The following GPD1L variants were observed in gnomAD, a reference collection of about 807,000 sequenced individuals.
The protein encoded by GPD1L is glycerol-3-phosphate dehydrogenase 1 like, also known as glycerol-3-phosphate dehydrogenase 1-like protein.
GPD1L carries 17 observed loss-of-function variants against 32.9 expected under a neutral mutation model. That is an observed-to-expected ratio of 0.52 (90% CI 0.35 to 0.78). The LOEUF is 0.78. GPD1L is among the 30% of genes least tolerant of loss of function. The pLI is 0.01. For synonymous variants in GPD1L, 187 were observed against 165.9 expected (o/e 1.13, Z -0.98); for missense variants, 361 against 447.8 (o/e 0.81, Z 1.75).
chr3:32,152,630 A>G (rs963558370), intron 5 of GPD1L, among the ~76,000 whole-genome samples: 9 of 152,184 alleles, frequency 5.9e-5, no homozygotes, highest in Admixed American at 4.6e-4. Context: ...AAGGCAGAAC[A>G]CGCATGACCA....
At chr3:32,140,406 T>C (rs779414292) in intron 4 of GPD1L, 40 bp downstream of exon 4, 1 of 1,607,068 alleles carries the variant, frequency 6.2e-7, no homozygotes, top group Non-Finnish European at 8.5e-7. Flanking sequence ...GTCTGGACAT[T>C]TGATGTTTGA....
chr3:32,109,575 A>G lies in GPD1L; in HGVS notation c.47+2817A>G, dbSNP rs1306756810. On this transcript the variant is annotated intron_variant, in intron 1 of 7. Transcript: ENST00000282541. Reference sequence around the variant, plus strand: ...TTAATTATGGGATTAGACGGGAACAATTCTTGGCTTCTGTGCCACTGCCTT... The same window carrying G: ...TTAATTATGGGATTAGACGGGAACAGTTCTTGGCTTCTGTGCCACTGCCTT... 2.6e-5 allele frequency among the ~76,000 whole-genome samples: 4 copies of G among 152,336 alleles called. No homozygotes were observed. The East Asian group carries it at 5.8e-4, about 22-fold the overall frequency.
At chr3:32,112,044 GTTGATAGGATGGAC>G (rs1443458476) in intron 1 of GPD1L, among the ~76,000 whole-genome samples, 1 of 152,226 alleles carries the variant, frequency 6.6e-6, no homozygotes, top group East Asian at 1.9e-4. Context: ...TGGAGTGAGA[GTTGATAGGATGGAC>G]TGGAGATGAA....
chr3:32,112,799 A>G (rs1700271192), intron 1 of GPD1L, among the ~76,000 whole-genome samples: 2 of 151,942 alleles, frequency 1.3e-5, no homozygotes, highest in Admixed American at 6.6e-5. Context: ...ATAATTTATC[A>G]TTTTCTGTGT....
At chr3:32,151,281 C>T (rs889376192) in intron 5 of GPD1L, 22 of 600,168 alleles carry the variant, frequency 3.7e-5, no homozygotes, top group South Asian at 2.3e-4. Flanking sequence ...TTAATATGCT[C>T]CATACACCCA....
intron 7 of GPD1L, among the ~76,000 whole-genome samples, chr3:32,161,616 G>A (rs1288027317): frequency 6.6e-6 from 1 of 152,194 alleles, no homozygotes; most frequent in East Asian, 1.9e-4. Context: ...TCTCTGGATG[G>A]ACAGGTTGGC....
chr3:32,119,268 A>C (rs1198049230), intron 1 of GPD1L, among the ~76,000 whole-genome samples: 1 of 152,228 alleles, frequency 6.6e-6, no homozygotes. Flanking sequence ...CTGCATCCTT[A>C]CCAACACTTA....
intron 7 of GPD1L, among the ~76,000 whole-genome samples, chr3:32,161,962 TC>T (rs1701079298): frequency 1.3e-5 from 2 of 152,126 alleles, no homozygotes; most frequent in African/African-American, 4.8e-5. Flanking sequence ...TTACTTTGAT[TC>T]CTTTTTCCTT....
intron 1 of GPD1L, among the ~76,000 whole-genome samples, chr3:32,111,502 G>C (rs1015369786): frequency 2.6e-5 from 4 of 152,156 alleles, no homozygotes; most frequent in African/African-American, 9.7e-5. Context: ...GAGAGTGCAT[G>C]GTGACTAGCA....
chr3:32,107,010 ACCTGTCTGCG>A (rs1433179888), intron 1 of GPD1L, among the ~76,000 whole-genome samples: 1 of 152,158 alleles, frequency 6.6e-6, no homozygotes, highest in Non-Finnish European at 1.5e-5. Context: ...GCACGCGGGC[ACCTGTCTGCG>A]CCCCCGTTAC....
chr3:32,119,985 G>T (rs1393065980), intron 1 of GPD1L, among the ~76,000 whole-genome samples: 1 of 152,172 alleles, frequency 6.6e-6, no homozygotes, highest in African/African-American at 2.4e-5. Flanking sequence ...AATCAAAAAG[G>T]TCAGAATCTA....
At chr3:32,165,051 A>C (rs945760046) in intron 7 of GPD1L, among the ~76,000 whole-genome samples, 7 of 152,134 alleles carry the variant, frequency 4.6e-5, no homozygotes, top group African/African-American at 1.2e-4. Context: ...TAAAAATACA[A>C]AAATTAGCCA....
chr3:32,158,753 G>C (rs1206818273), intron 5 of GPD1L, 123 bp from the exon 6 acceptor site: 2 of 1,537,840 alleles, frequency 1.3e-6, no homozygotes, highest in Non-Finnish European at 1.7e-6. Flanking sequence ...CCGGCATTGA[G>C]TATTTTGAAG....
At chr3:32,140,919 C>T (rs1207137648) in intron 4 of GPD1L, among the ~76,000 whole-genome samples, 2 of 152,180 alleles carry the variant, frequency 1.3e-5, no homozygotes, top group Non-Finnish European at 2.9e-5. Flanking sequence ...TACTCTTACA[C>T]ATTATACATT....
At position 32,168,213 on chromosome 3, in the gene GPD1L, T is replaced by C. The variant is rs1370484904; in HGVS notation, c.*2303T>C. ...ATATTCTGCACATTATGGAAAAAGG[T>C]AAATTTTAGAAGTTTCTGCTCTACT... On this transcript the variant is annotated 3_prime_UTR_variant, in exon 8 of 8. Transcript: ENST00000282541. 6.5e-6 allele frequency: 1 copy of C among 152,702 alleles called. No homozygotes were observed. The highest frequency in any genetic ancestry group is 1.5e-5 in the Non-Finnish European group (1 of 67,996). 9.5% of individuals were successfully genotyped at this position (152,702 alleles called of 1,614,324 possible).
chr3:32,123,835 T>C (rs867634404), intron 1 of GPD1L, among the ~76,000 whole-genome samples: 8 of 133,790 alleles, frequency 6.0e-5, no homozygotes, highest in Admixed American at 1.5e-4. Context: ...GATAGATAGA[T>C]AGATAGACAG....
At chr3:32,132,004 T>C (rs1319767553) in intron 2 of GPD1L, among the ~76,000 whole-genome samples, 1 of 152,254 alleles carries the variant, frequency 6.6e-6, no homozygotes, top group East Asian at 1.9e-4. Context: ...TTGTCACTTG[T>C]ATATCTTTGG....
chr3:32,127,638 C>A (rs1446189375), intron 1 of GPD1L, among the ~76,000 whole-genome samples: 1 of 152,238 alleles, frequency 6.6e-6, no homozygotes, highest in Non-Finnish European at 1.5e-5. Context: ...TGCTCCTCTT[C>A]TGGAATCCAG....
At chr3:32,131,754 T>G (rs1700590275) in intron 2 of GPD1L, among the ~76,000 whole-genome samples, 1 of 152,200 alleles carries the variant, frequency 6.6e-6, no homozygotes, top group African/African-American at 2.4e-5. Flanking sequence ...TGAACATATG[T>G]TTTCATTTCT....
Sources: gnomAD v4.1 joint callset for allele counts (sites outside exome capture counted in the v4.1 genomes callset) on GRCh38, gnomAD v4.1.1 for gene constraint, MANE v1.5 for transcripts, NCBI Gene and HGNC (gene_info 2026-07-23, HGNC 2026-07-21) for gene names.